The following HOXC6 variants were observed in gnomAD, a reference collection of about 807,000 sequenced individuals.
The protein encoded by HOXC6 is homeobox protein Hox-C6.
Under a neutral mutation model 24.0 loss-of-function variants are expected in HOXC6, and 10 were observed. That is an observed-to-expected ratio of 0.42 (90% CI 0.26 to 0.71). HOXC6 has a LOEUF of 0.71. Ranked by LOEUF, HOXC6 falls within the 30% of genes least tolerant of loss-of-function variation. The probability of loss-of-function intolerance (pLI) is 0.28; values close to 1 mark genes in which losing one functional copy is unlikely to be tolerated. For missense variants in HOXC6, 258 were observed against 303.4 expected (o/e 0.85, Z 1.11); for synonymous variants, 123 against 128.1 (o/e 0.96, Z 0.27).
At chr12:54,024,889 C>A (rs1940622578), upstream of HOXC6, among the ~76,000 whole-genome samples, 1 of 152,248 alleles carries the variant, frequency 6.6e-6, no homozygotes, top group Non-Finnish European at 1.5e-5. Context: ...CTATCAAAAG[C>A]ATGTGTTTTG....
upstream of HOXC6, among the ~76,000 whole-genome samples, chr12:54,026,052 C>A (rs1199587143): frequency 2.0e-5 from 3 of 152,110 alleles, no homozygotes; most frequent in Admixed American, 1.3e-4. Context: ...TTGTACATTG[C>A]AACAATTTAA....
Position 54,030,019 on chromosome 12 carries a change from C to A in HOXC6, c.*57C>A. 1.4e-6 allele frequency: 2 copies of A among 1,391,094 alleles called. No individual in the cohort carries two copies. The highest frequency in any genetic ancestry group is 2.9e-5 in the South Asian group (2 of 68,072). The allele number at this position is 1,391,094 out of a possible 1,614,324, so 86.2% of individuals were successfully genotyped here. On this transcript the variant is annotated 3_prime_UTR_variant, in exon 2 of 2. Coordinates refer to ENST00000243108, the MANE Select transcript of HOXC6 (RefSeq NM_004503.4). ...TTCTCCCTCGCTCCCCACCAACTCT[C>A]CCCTAATCACACACTCTGTATTTAT...
At chr12:54,022,244 T>A (rs1205726324) in intron 1 of HOXC6, 1 of 152,056 alleles carries the variant, frequency 6.6e-6, no homozygotes, top group Non-Finnish European at 1.5e-5. Context: ...ATCAGGGTAA[T>A]GTTGGTGGAT....
At position 54,028,739 on chromosome 12, in the gene HOXC6, G is replaced by A; in HGVS notation, c.218G>A (p.Gly73Glu). 6.2e-7 allele frequency: 1 copy of A among 1,614,072 alleles called. No individual in the cohort carries two copies. The highest frequency in any genetic ancestry group is 8.5e-7 in the Non-Finnish European group (1 of 1,180,010). ...FSSSRGPYDYGSNSFYQEKDM... is the reference protein window; with the variant it reads ...FSSSRGPYDYESNSFYQEKDM... ...TCCAGCCGGGGGCCGTATGACTATG[G>A]ATCTAATTCCTTTTACCAGGAGAAA... Residue 73 changes from glycine (G) to glutamate (E), a missense_variant, in exon 1 of 2, where the codon GGA becomes GAA. By Grantham distance (98) the Gly-to-Glu change is moderately conservative. Transcript: ENST00000243108.
exon 1 of HOXC6, chr12:54,017,379 C>CAGAGAGGG (rs1378758394): frequency 2.6e-5 from 4 of 152,020 alleles, no homozygotes; most frequent in Non-Finnish European, 4.4e-5. Flanking sequence ...GAGAGAGAGG[C>CAGAGAGGG]AGAGAGGGAG....
intron 1 of HOXC6, among the ~76,000 whole-genome samples, chr12:54,018,376 G>A (rs1019086740): frequency 1.3e-5 from 2 of 152,232 alleles, no homozygotes; most frequent in African/African-American, 4.8e-5. Flanking sequence ...GAAGGCCCTA[G>A]GCTGGGCGGG....
At chr12:54,018,195 C>T (rs2136413164) in intron 1 of HOXC6, among the ~76,000 whole-genome samples, 1 of 152,340 alleles carries the variant, frequency 6.6e-6, no homozygotes, top group South Asian at 2.1e-4. Context: ...CAAAAGCCAT[C>T]TTGTGCTCAG....
At chr12:54,025,453 C>T (rs1357681295), upstream of HOXC6, among the ~76,000 whole-genome samples, 1 of 147,112 alleles carries the variant, frequency 6.8e-6, no homozygotes, top group African/African-American at 2.5e-5. Flanking sequence ...ATCCTTTCAG[C>T]AAATTTCAGC....
chr12:54,023,504 C>T (rs1280483888), upstream of HOXC6, among the ~76,000 whole-genome samples: 2 of 152,116 alleles, frequency 1.3e-5, no homozygotes, highest in Admixed American at 6.5e-5. Flanking sequence ...AAAAGCAGCT[C>T]GGGTAGCCTC....
chr12:54,026,207 CTG>C (rs1940691093), upstream of HOXC6, among the ~76,000 whole-genome samples: 1 of 152,158 alleles, frequency 6.6e-6, no homozygotes, highest in South Asian at 2.1e-4. Flanking sequence ...GCTGGGAACT[CTG>C]AGAGAGGCTA....
chr12:54,028,458 G>A lies in HOXC6; in HGVS notation c.-64G>A. 1 of 1,541,324 alleles carries A rather than the reference G, an allele frequency of 6.5e-7. No individual in the cohort carries two copies. The highest frequency in any genetic ancestry group is 1.8e-5 in the Admixed American group (1 of 54,768). On this transcript the variant is annotated 5_prime_UTR_variant, in exon 1 of 2. Transcript: ENST00000243108. ...CGTCCCTATAACCATCTAGTTCCGA[G>A]TACAAACTGGAGACAGAAATAAATA...
intron 1 of HOXC6, 84 bp downstream of exon 1, chr12:54,029,005 GT>G (rs1565741643): frequency 3.0e-6 from 4 of 1,317,398 alleles, no homozygotes; most frequent in Admixed American, 2.3e-5. Context: ...GGCGGAGAGA[GT>G]TTTTTATGGC....
upstream of HOXC6, among the ~76,000 whole-genome samples, chr12:54,023,466 T>C (rs12426706): frequency 5.3e-5 from 8 of 152,154 alleles, no homozygotes; most frequent in Non-Finnish European, 1.0e-4. Context: ...TCCATATACC[T>C]TTCTTCTCCG....
chr12:54,028,942 A>G (rs766272049), intron 1 of HOXC6, 21 bp downstream of exon 1: 1 of 1,584,872 alleles, frequency 6.3e-7, no homozygotes, highest in South Asian at 1.1e-5. Flanking sequence ...CAGCTCCGAG[A>G]TATAAATTAA....
chr12:54,027,011 C>T (rs1447944561), upstream of HOXC6, among the ~76,000 whole-genome samples: 1 of 151,808 alleles, frequency 6.6e-6, no homozygotes, highest in Non-Finnish European at 1.5e-5. Context: ...ACACTCCCCA[C>T]CACCCTTCTT....
intron 1 of HOXC6, among the ~76,000 whole-genome samples, chr12:54,029,234 G>A (rs966358269): frequency 2.6e-5 from 4 of 152,350 alleles, no homozygotes; most frequent in African/African-American, 7.2e-5. Context: ...CTGAGGAGAA[G>A]GGAGGGGGAG....
At chr12:54,027,849 C>T (rs1244146292), upstream of HOXC6, among the ~76,000 whole-genome samples, 2 of 152,172 alleles carry the variant, frequency 1.3e-5, no homozygotes, top group African/African-American at 2.4e-5. Context: ...AGACTCTCAG[C>T]CACACTCTAC....
chr12:54,024,178 G>A (rs1032468071), upstream of HOXC6, among the ~76,000 whole-genome samples: 4 of 152,210 alleles, frequency 2.6e-5, no homozygotes, highest in Non-Finnish European at 4.4e-5. Context: ...CCCTCGCCCA[G>A]TGGCACAAAA....
In HOXC6 at chr12:54,029,877, G is replaced by A; in HGVS notation, c.623G>A (p.Gly208Glu). ...TCTAATCTCACATCCACTCTCTCGGGGGGCGGCGGAGGGGCCACCGCCGAC... is the reference window on the plus strand; with the variant it reads ...TCTAATCTCACATCCACTCTCTCGGAGGGCGGCGGAGGGGCCACCGCCGAC... ...KESNLTSTLS[G>E]GGGGATADSL... is the part of the protein sequence containing the mutation. The change falls in exon 2 of 2, where the codon GGG (glycine) becomes GAG (glutamate). Residue 208 changes from glycine to glutamate, a missense_variant. By Grantham distance (98) the Gly-to-Glu change is moderately conservative (BLOSUM62 -2). Transcript: ENST00000243108. 4 of 1,591,914 alleles carry A rather than the reference G, an allele frequency of 2.5e-6. 1 individual carries two copies. Among genetic ancestry groups the A allele is most frequent in the Non-Finnish European group, 3.4e-6 (4 of 1,170,472 alleles).
Sources: gnomAD v4.1 joint callset for allele counts (sites outside exome capture counted in the v4.1 genomes callset) on GRCh38, gnomAD v4.1.1 for gene constraint, MANE v1.5 for transcripts, NCBI Gene and HGNC (gene_info 2026-07-23, HGNC 2026-07-21) for gene names.